LRP1B: variants seen among roughly 807,000 people sequenced by gnomAD.
LRP1B encodes the protein LDL receptor related protein 1B.
Under a neutral mutation model 556.6 loss-of-function variants are expected in LRP1B, and 217 were observed. The ratio of observed to expected loss-of-function variants is 0.39; its 90% CI spans 0.35 to 0.44. LRP1B has a LOEUF of 0.44. LRP1B is among the 20% of genes least tolerant of loss of function. LRP1B has a pLI of 1.00. For missense variants in LRP1B, 5,053 were observed against 5,620.8 expected (o/e 0.90, Z 3.23); for synonymous variants, 2,047 against 1,865.8 (o/e 1.10, Z -2.50).
At chr2:141,191,533 T>C (rs1030703252) in intron 6 of LRP1B, among the ~76,000 whole-genome samples, 1 of 152,066 alleles carries the variant, frequency 6.6e-6, no homozygotes, top group East Asian at 1.9e-4. Context: ...TGTGGGAATG[T>C]CTATCACCTC....
chr2:140,622,279 A>G (rs768614847), intron 41 of LRP1B, among the ~76,000 whole-genome samples: 21 of 152,228 alleles, frequency 1.4e-4, no homozygotes, highest in Non-Finnish European at 4.4e-5. Flanking sequence ...AAACATTGAA[A>G]CAAAATGAAT....
At chr2:140,897,417 A>G (rs1212969651) in intron 23 of LRP1B, among the ~76,000 whole-genome samples, 1 of 152,178 alleles carries the variant, frequency 6.6e-6, no homozygotes, top group Non-Finnish European at 1.5e-5. Flanking sequence ...CCCCAAAGCC[A>G]GCCATAAAGC....
In LRP1B at chr2:142,083,236, CTCT is replaced by C. The variant is rs368448336; in HGVS notation, c.82+47409_82+47411del. ...AGAAAAACATTGAGTTCCATCTTCT[CTCT>C]TCATCTCACTACTTCCAACCCTATG... On this transcript the variant is annotated intron_variant, in intron 1 of 90. Coordinates refer to ENST00000389484, the MANE Select transcript of LRP1B (RefSeq NM_018557.3). Among the ~76,000 whole-genome samples, 57 of 152,302 alleles carry C rather than the reference CTCT, an allele frequency of 3.7e-4. No individual in the cohort carries two copies. In the East Asian group the frequency reaches 0.011, roughly 28 times the overall value.
chr2:140,726,472 C>T (rs1222041522), intron 35 of LRP1B, among the ~76,000 whole-genome samples: 1 of 152,114 alleles, frequency 6.6e-6, no homozygotes, highest in Non-Finnish European at 1.5e-5. Context: ...TTGTTTGATT[C>T]TCCTCCACTC....
intron 2 of LRP1B, among the ~76,000 whole-genome samples, chr2:141,761,866 G>A (rs762888625): frequency 6.6e-5 from 10 of 152,114 alleles, no homozygotes; most frequent in Non-Finnish European, 1.3e-4. Flanking sequence ...GTCTAGTATT[G>A]CTATGTTTTC....
intron 3 of LRP1B, among the ~76,000 whole-genome samples, chr2:141,363,252 A>C (rs2105570969): frequency 6.6e-6 from 1 of 152,332 alleles, no homozygotes; most frequent in Admixed American, 6.5e-5. Context: ...TTAAATGAAT[A>C]GATCTTGATT....
At chr2:140,648,291 G>A (rs962359944) in intron 41 of LRP1B, among the ~76,000 whole-genome samples, 36 of 152,168 alleles carry the variant, frequency 2.4e-4, no homozygotes, top group African/African-American at 8.4e-4. Context: ...GCATGTGGTG[G>A]GGTGGGGGAG....
At chr2:141,848,366 T>C (rs1023585833) in intron 1 of LRP1B, among the ~76,000 whole-genome samples, 1 of 151,416 alleles carries the variant, frequency 6.6e-6, no homozygotes, top group Non-Finnish European at 1.5e-5. Context: ...AAACCAAGTA[T>C]GTCTTAGGTG....
At chr2:141,906,760 G>A (rs1267885800) in intron 1 of LRP1B, among the ~76,000 whole-genome samples, 1 of 152,044 alleles carries the variant, frequency 6.6e-6, no homozygotes, top group Non-Finnish European at 1.5e-5. Flanking sequence ...TTGTGTAAGT[G>A]TGTTTGTGTG....
At chr2:140,738,881 G>A (rs1052645150) in intron 35 of LRP1B, among the ~76,000 whole-genome samples, 2 of 152,198 alleles carry the variant, frequency 1.3e-5, no homozygotes, top group Non-Finnish European at 2.9e-5. Flanking sequence ...GAAAATAATT[G>A]TGCTTTATTT....
chr2:141,149,132 T>C (rs1701858192), intron 7 of LRP1B, among the ~76,000 whole-genome samples: 1 of 151,890 alleles, frequency 6.6e-6, no homozygotes, highest in Non-Finnish European at 1.5e-5. Flanking sequence ...TCAAGAGAAA[T>C]GTAACTTGCT....
chr2:140,886,546 C>T (rs1257645228), intron 23 of LRP1B, among the ~76,000 whole-genome samples: 1 of 151,676 alleles, frequency 6.6e-6, no homozygotes, highest in Non-Finnish European at 1.5e-5. Flanking sequence ...GTTTTTATTC[C>T]TTGGATTTAC....
chr2:141,099,688 A>G (rs1700411873), intron 7 of LRP1B, among the ~76,000 whole-genome samples: 1 of 152,160 alleles, frequency 6.6e-6, no homozygotes. Flanking sequence ...TAAAAACCCA[A>G]CAACAAATGA....
intron 35 of LRP1B, among the ~76,000 whole-genome samples, chr2:140,741,993 A>G (rs1688158404): frequency 6.6e-6 from 1 of 152,182 alleles, no homozygotes; most frequent in East Asian, 1.9e-4. Context: ...TTAGTTGACT[A>G]TCTTACTTAA....
At chr2:140,393,854 T>C (rs1047562818) in intron 66 of LRP1B, among the ~76,000 whole-genome samples, 2 of 152,154 alleles carry the variant, frequency 1.3e-5, no homozygotes, top group East Asian at 3.9e-4. Context: ...GGAGGCAGAT[T>C]AACCATCTCT....
intron 41 of LRP1B, among the ~76,000 whole-genome samples, chr2:140,662,545 T>C (rs187627411): frequency 2.0e-4 from 30 of 152,254 alleles, no homozygotes; most frequent in Admixed American, 7.9e-4. Context: ...ATTTGAGGTA[T>C]GGTGAAAGGC....
intron 66 of LRP1B, among the ~76,000 whole-genome samples, chr2:140,415,440 G>T (rs1225632132): frequency 6.6e-6 from 1 of 151,568 alleles, no homozygotes; most frequent in Non-Finnish European, 1.5e-5. Context: ...ATAAAAACTT[G>T]CTGGTTTGAG....
rs79419575 is a variant in LRP1B at position 140,879,980 on chromosome 2, T to C, written c.4169+3837A>G. On this transcript the variant is annotated intron_variant, in intron 25 of 90. Coordinates refer to ENST00000389484, the MANE Select transcript of LRP1B (RefSeq NM_018557.3). ...AAAAAAAAAAGAGGTTACTTATCTGTAATATTCAGTTCTAAAACCAACAAA... is the reference window on the plus strand; with the variant it reads ...AAAAAAAAAAGAGGTTACTTATCTGCAATATTCAGTTCTAAAACCAACAAA... Among the ~76,000 whole-genome samples, 304 of 151,960 alleles carry C rather than the reference T, an allele frequency of 2.0e-3. 2 individuals carry two copies. Among genetic ancestry groups the C allele is most frequent in the African/African-American group, 6.6e-3 (273 of 41,526 alleles).
intron 7 of LRP1B, among the ~76,000 whole-genome samples, chr2:141,163,657 G>A (rs1680128408): frequency 6.6e-6 from 1 of 152,016 alleles, no homozygotes; most frequent in Admixed American, 6.6e-5. Context: ...TATATCTCAT[G>A]AGATCTGATT....
Sources: gnomAD v4.1 joint callset for allele counts (sites outside exome capture counted in the v4.1 genomes callset) on GRCh38, gnomAD v4.1.1 for gene constraint, MANE v1.5 for transcripts, NCBI Gene and HGNC (gene_info 2026-07-23, HGNC 2026-07-21) for gene names.